Variants in DAB1 observed in about 807,000 individuals in gnomAD.
DAB1 encodes the protein disabled homolog 1.
DAB1 carries 15 observed loss-of-function variants against 64.6 expected under a neutral mutation model. That is an observed-to-expected ratio of 0.23 (90% confidence interval 0.16 to 0.36). The LOEUF (loss-of-function observed/expected upper bound fraction) is 0.36, where lower values mean the gene tolerates loss of function less well. Among genes scored for constraint, DAB1 ranks in the 10% least tolerant of loss-of-function variants. The probability of loss-of-function intolerance (pLI) is 1.00; values close to 1 mark genes in which losing one functional copy is unlikely to be tolerated. For synonymous variants in DAB1, 235 were observed against 251.9 expected (o/e 0.93, Z 0.64); for missense variants, 596 against 706.7 (o/e 0.84, Z 1.78).
chr1:57,291,291 A>C, intron 1 of DAB1, 125 bp from the exon 2 acceptor site: 1 of 323,896 alleles, frequency 3.1e-6, no homozygotes, highest in Non-Finnish European at 5.6e-6. Flanking sequence ...AACTGCTCCC[A>C]TGGTTTCATG....
At chr1:58,187,657 G>A (rs2100219233) in intron 4 of DAB1, among the ~76,000 whole-genome samples, 1 of 151,044 alleles carries the variant, frequency 6.6e-6, no homozygotes, top group East Asian at 1.9e-4. Flanking sequence ...TTAGCTCACT[G>A]CAACCTTCGC....
intron 4 of DAB1, among the ~76,000 whole-genome samples, chr1:58,192,410 C>T (rs143593337): frequency 1.0e-3 from 159 of 152,234 alleles, no homozygotes; most frequent in African/African-American, 3.7e-3. Flanking sequence ...TCAACCCTCA[C>T]CTCTCCCCCA....
chr1:58,361,031 A>C (rs1644159188), intron 3 of DAB1, among the ~76,000 whole-genome samples: 3 of 152,202 alleles, frequency 2.0e-5, no homozygotes, highest in Admixed American at 2.0e-4. Context: ...TTTAGATATA[A>C]AAGATGATTT....
chr1:57,594,662 A>T (rs1645484301), intron 7 of DAB1, among the ~76,000 whole-genome samples: 2 of 152,138 alleles, frequency 1.3e-5, no homozygotes, highest in Admixed American at 1.3e-4. Flanking sequence ...TTTTCAATCC[A>T]AGACGTTTAG....
chr1:57,956,894 G>A (rs2406407), intron 5 of DAB1, among the ~76,000 whole-genome samples: 66,459 of 151,994 alleles, frequency 0.44, 15,277 homozygotes, highest in East Asian at 0.87. Context: ...AGAAGAGTTA[G>A]CTTATTCAGA....
intron 7 of DAB1, among the ~76,000 whole-genome samples, chr1:57,434,624 C>T (rs2101120615): frequency 6.6e-6 from 1 of 152,300 alleles, no homozygotes; most frequent in South Asian, 2.1e-4. Context: ...CGTCATTAGG[C>T]AGCTTTGTCA....
At chr1:56,999,162 G>A (rs1214824769) in intron 14 of DAB1, among the ~76,000 whole-genome samples, 1 of 152,160 alleles carries the variant, frequency 6.6e-6, no homozygotes, top group Non-Finnish European at 1.5e-5. Context: ...TTGGCATTCT[G>A]GGAGCCCCTA....
At chr1:57,052,384 T>C (rs1649283215) in intron 9 of DAB1, among the ~76,000 whole-genome samples, 1 of 152,178 alleles carries the variant, frequency 6.6e-6, no homozygotes, top group South Asian at 2.1e-4. Flanking sequence ...ACCAGATAGT[T>C]CTGTAGCCCT....
At chr1:58,016,002 G>GC (rs1356924984) in intron 5 of DAB1, among the ~76,000 whole-genome samples, 1 of 150,718 alleles carries the variant, frequency 6.6e-6, no homozygotes, top group Non-Finnish European at 1.5e-5. Context: ...GACACAAACA[G>GC]CCTAGGGGGG....
At chr1:57,667,697 T>TA (rs1558592272) in intron 6 of DAB1, among the ~76,000 whole-genome samples, 1 of 151,864 alleles carries the variant, frequency 6.6e-6, no homozygotes, top group African/African-American at 2.4e-5. Context: ...TATATAGCCA[T>TA]AAAAAAGAAT....
intron 6 of DAB1, among the ~76,000 whole-genome samples, chr1:57,795,690 G>GATAGATATATATATAT (rs1553129769): frequency 1.4e-5 from 1 of 69,092 alleles, no homozygotes; most frequent in Non-Finnish European, 2.6e-5. Context: ...TATGCTTGGA[G>GATAGATATATATATAT]ATATATATAT....
At chr1:58,403,962 GA>G (rs1644594370) in intron 3 of DAB1, among the ~76,000 whole-genome samples, 1 of 152,190 alleles carries the variant, frequency 6.6e-6, no homozygotes, top group African/African-American at 2.4e-5. Flanking sequence ...TTACATTATG[GA>G]AAAACTTGGA....
At chr1:57,391,766 AACACACACACACACACACACACACAC>A (rs57332880) in intron 1 of DAB1, among the ~76,000 whole-genome samples, 15 of 94,566 alleles carry the variant, frequency 1.6e-4, no homozygotes, top group Non-Finnish European at 2.5e-4. Flanking sequence ...CAGAGGAATA[AACACACACACACACACACACACACAC>A]ACACACACAC....
chr1:58,257,937 T>G (rs986134573), intron 4 of DAB1, among the ~76,000 whole-genome samples: 1 of 152,214 alleles, frequency 6.6e-6, no homozygotes, highest in Non-Finnish European at 1.5e-5. Context: ...CTTGCAGGAT[T>G]CCAGGCTTTG....
chr1:57,714,554 G>A (rs1157739726), intron 6 of DAB1, among the ~76,000 whole-genome samples: 1 of 152,160 alleles, frequency 6.6e-6, no homozygotes, highest in Non-Finnish European at 1.5e-5. Context: ...CCAGGCAGAG[G>A]AAGAAGCATG....
intron 3 of DAB1, among the ~76,000 whole-genome samples, chr1:58,496,049 A>G (rs181699300): frequency 1.1e-3 from 160 of 152,326 alleles, no homozygotes; most frequent in African/African-American, 3.8e-3. Context: ...AACTAAATAA[A>G]AAAATATGAT....
intron 7 of DAB1, among the ~76,000 whole-genome samples, chr1:57,564,044 G>T (rs1645086472): frequency 6.6e-6 from 1 of 152,146 alleles, no homozygotes; most frequent in South Asian, 2.1e-4. Flanking sequence ...CCCCAGTAGG[G>T]GCAGACTGAC....
chr1:57,938,782 T>C (rs143685978), intron 5 of DAB1, among the ~76,000 whole-genome samples: 75 of 152,018 alleles, frequency 4.9e-4, no homozygotes, highest in African/African-American at 1.8e-3. Context: ...CCCCTGGAGG[T>C]ACCCTGCAGC....
At chr1:58,153,350 A>G (rs11801694) in intron 4 of DAB1, among the ~76,000 whole-genome samples, 7 of 152,214 alleles carry the variant, frequency 4.6e-5, no homozygotes, top group African/African-American at 1.7e-4. Flanking sequence ...GAAAGCTGAT[A>G]TCATTATCCA....
Sources: allele counts gnomAD v4.1 joint callset (sites outside exome capture counted in the v4.1 genomes callset), GRCh38; gene constraint gnomAD v4.1.1; transcripts MANE v1.5; gene names NCBI Gene and HGNC (gene_info 2026-07-23, HGNC 2026-07-21).